Variants in SOX6 observed in about 807,000 individuals in gnomAD.
SOX6 encodes transcription factor SOX-6.
Under a neutral mutation model 97.8 loss-of-function variants are expected in SOX6, and 11 were observed. That is an observed-to-expected ratio of 0.11 (90% CI 0.07 to 0.19). The LOEUF (loss-of-function observed/expected upper bound fraction) is 0.19, where lower values mean the gene tolerates loss of function less well. SOX6 is among the 10% of genes least tolerant of loss of function. SOX6 has a pLI of 1.00. For synonymous variants in SOX6, 360 were observed against 371.4 expected, an observed-to-expected ratio of 0.97 and a Z score of 0.35; for missense variants, 810 against 1,039.5, an observed-to-expected ratio of 0.78 and a Z score of 3.04.
chr11:16,053,012 G>T (rs527980255), intron 10 of SOX6, among the ~76,000 whole-genome samples: 11 of 152,270 alleles, frequency 7.2e-5, no homozygotes, highest in Non-Finnish European at 1.6e-4. Context: ...CTCAGGGGCA[G>T]CCTTTTGCAG....
chr11:16,275,411 G>T (rs574453774), intron 3 of SOX6, among the ~76,000 whole-genome samples: 107 of 152,076 alleles, frequency 7.0e-4, no homozygotes, highest in Non-Finnish European at 1.1e-3. Context: ...AGCCGAGATC[G>T]TGCCACTGCA....
At chr11:16,056,356 C>T (rs1564929872) in intron 9 of SOX6, among the ~76,000 whole-genome samples, 1 of 152,124 alleles carries the variant, frequency 6.6e-6, no homozygotes, top group Non-Finnish European at 1.5e-5. Flanking sequence ...TCTTATTTAG[C>T]TCTGACTCTG....
At chr11:16,501,743 A>C (rs1860712523) in intron 4 of SOX6, among the ~76,000 whole-genome samples, 1 of 152,236 alleles carries the variant, frequency 6.6e-6, no homozygotes, top group Admixed American at 6.5e-5. Flanking sequence ...AGAGAAATGC[A>C]AATCAAAACC....
intron 14 of SOX6, among the ~76,000 whole-genome samples, chr11:15,986,883 A>G (rs1853860573): frequency 6.6e-6 from 1 of 152,226 alleles, no homozygotes; most frequent in Non-Finnish European, 1.5e-5. Context: ...GCAGATGTTG[A>G]AATCATTCCA....
At chr11:16,383,927 A>T (rs556309172) in intron 1 of SOX6, among the ~76,000 whole-genome samples, 4 of 151,952 alleles carry the variant, frequency 2.6e-5, no homozygotes, top group African/African-American at 9.7e-5. Flanking sequence ...AAAAATGCAG[A>T]CACAAGAACT....
At chr11:16,685,228 A>G (rs1825559495) in intron 3 of SOX6, among the ~76,000 whole-genome samples, 1 of 152,216 alleles carries the variant, frequency 6.6e-6, no homozygotes, top group South Asian at 2.1e-4. Flanking sequence ...ATTAAAAAAA[A>G]TACAATCATG....
intron 1 of SOX6, among the ~76,000 whole-genome samples, chr11:16,409,927 A>G (rs1172663529): frequency 1.3e-5 from 2 of 152,146 alleles, no homozygotes; most frequent in Admixed American, 6.6e-5. Flanking sequence ...ACCAAAAACC[A>G]CATGTTCTCC....
At chr11:16,210,306 T>C (rs938250380) in intron 4 of SOX6, among the ~76,000 whole-genome samples, 1 of 152,014 alleles carries the variant, frequency 6.6e-6, no homozygotes, top group South Asian at 2.1e-4. Flanking sequence ...CATGTGGCAA[T>C]AAAAAGGAAC....
chr11:16,127,597 T>G (rs1849639072), intron 6 of SOX6, among the ~76,000 whole-genome samples: 1 of 152,168 alleles, frequency 6.6e-6, no homozygotes, highest in South Asian at 2.1e-4. Context: ...AAATGATTAT[T>G]GTTAGCCACT....
intron 3 of SOX6, among the ~76,000 whole-genome samples, chr11:16,614,377 T>C (rs968240879): frequency 1.3e-5 from 2 of 152,214 alleles, no homozygotes; most frequent in East Asian, 1.9e-4. Flanking sequence ...GAGACGAGAA[T>C]TGCGTGCAAG....
chr11:16,545,898 G>T (rs367841979), intron 4 of SOX6, among the ~76,000 whole-genome samples: 1 of 152,182 alleles, frequency 6.6e-6, no homozygotes, highest in Admixed American at 6.6e-5. Flanking sequence ...GCTGCAGTGA[G>T]CCATGATCAT....
chr11:16,263,198 A>G (rs1853956662), intron 3 of SOX6, among the ~76,000 whole-genome samples: 7 of 151,926 alleles, frequency 4.6e-5, no homozygotes, highest in Admixed American at 4.6e-4. Flanking sequence ...CTCTAAACTT[A>G]AAAGAGACTC....
At chr11:16,016,002 T>G (rs1010782550) in intron 12 of SOX6, among the ~76,000 whole-genome samples, 1 of 152,084 alleles carries the variant, frequency 6.6e-6, no homozygotes, top group Admixed American at 6.6e-5. Flanking sequence ...CATGTTATAC[T>G]TAATGCATTA....
intron 1 of SOX6, among the ~76,000 whole-genome samples, chr11:16,389,090 T>C (rs1020890929): frequency 6.6e-6 from 1 of 152,172 alleles, no homozygotes; most frequent in Admixed American, 6.5e-5. Context: ...GTTTTTTGTT[T>C]TTGTTTTTAA....
intron 3 of SOX6, among the ~76,000 whole-genome samples, chr11:16,263,867 T>TCTCTATCTCTCC (rs1430397712): frequency 6.6e-6 from 1 of 151,922 alleles, no homozygotes; most frequent in African/African-American, 2.4e-5. Flanking sequence ...TCATTTATAT[T>TCTCTATCTCTCC]CTCTATCTCT....
At chr11:16,424,532 G>A (rs1306604356) in intron 1 of SOX6, among the ~76,000 whole-genome samples, 3 of 152,162 alleles carry the variant, frequency 2.0e-5, no homozygotes, top group African/African-American at 7.2e-5. Context: ...CTCTGTAGAG[G>A]GAATGGAAGT....
At chr11:16,375,354 G>A (rs1857616711) in intron 1 of SOX6, among the ~76,000 whole-genome samples, 1 of 152,034 alleles carries the variant, frequency 6.6e-6, no homozygotes, top group Non-Finnish European at 1.5e-5. Context: ...TGAAATGAAA[G>A]TGAGGCCTAG....
rs554716631 is a variant in SOX6, at chr11:16,672,934, G to A, written n.429+41896C>T. On this transcript the variant is annotated intron_variant and non_coding_transcript_variant, in intron 3 of 5. Coordinates refer to the SOX6 transcript ENST00000524520. The stretch of plus-strand genomic sequence containing the variant: ...CAAATATCAAAAAAGACAAAGAAGG[G>A]AATTACATAATGATAAAGTGTTCAA... 7.2e-5 allele frequency among the ~76,000 whole-genome samples: 11 copies of A among 152,182 alleles called. No individual in the cohort carries two copies. The South Asian group carries it at 2.3e-3, about 32-fold the overall frequency.
exon 1 of SOX6, chr11:16,738,425 C>T (rs1260797248): frequency 2.7e-6 from 1 of 369,590 alleles, no homozygotes; most frequent in Non-Finnish European, 5.1e-6. Context: ...CAACGCTCAC[C>T]GCCATACACA....
Sources: allele counts gnomAD v4.1 joint callset (sites outside exome capture counted in the v4.1 genomes callset), GRCh38; gene constraint gnomAD v4.1.1; transcripts MANE v1.5; gene names NCBI Gene and HGNC (gene_info 2026-07-23, HGNC 2026-07-21).